AP2A2: variants seen among roughly 807,000 people sequenced by gnomAD.
AP2A2 encodes the protein adaptor related protein complex 2 subunit alpha 2, also known as AP-2 complex subunit alpha-2.
In AP2A2, 32 loss-of-function variants were observed where a neutral mutation model predicts 104.2. That is an observed-to-expected ratio of 0.31 (90% CI 0.23 to 0.41). The LOEUF (loss-of-function observed/expected upper bound fraction) is 0.41, where lower values mean the gene tolerates loss of function less well. AP2A2 is among the 10% of genes least tolerant of loss of function. The pLI is 1.00. For synonymous variants in AP2A2, 539 were observed against 533.3 expected, an observed-to-expected ratio of 1.01 and a Z score of -0.15; for missense variants, 912 against 1,261.0, an observed-to-expected ratio of 0.72 and a Z score of 4.19.
chr11:954,987 G>C (rs949263653), intron 1 of AP2A2, among the ~76,000 whole-genome samples: 1 of 152,146 alleles, frequency 6.6e-6, no homozygotes, highest in Non-Finnish European at 1.5e-5. Context: ...TCTTTCTCCT[G>C]CCCCCAGGTT....
At chr11:946,934 A>G (rs1853859569) in intron 1 of AP2A2, 1 of 151,860 alleles carries the variant, frequency 6.6e-6, no homozygotes. Flanking sequence ...AACGGTGAAG[A>G]CAGCTACATA....
At chr11:937,478 C>G (rs939016847) in intron 1 of AP2A2, among the ~76,000 whole-genome samples, 7 of 152,302 alleles carry the variant, frequency 4.6e-5, no homozygotes, top group Admixed American at 4.6e-4. Flanking sequence ...CAAGGTGGTT[C>G]ATGCCTGTAA....
intron 1 of AP2A2, among the ~76,000 whole-genome samples, chr11:942,045 G>A (rs1173747689): frequency 1.3e-5 from 2 of 152,092 alleles, no homozygotes; most frequent in Non-Finnish European, 2.9e-5. Flanking sequence ...TCCTGCCTCA[G>A]CCTCCTGAGT....
chr11:1,009,070 G>C, intron 18 of AP2A2, 30 bp from the exon 19 acceptor site: 1 of 1,565,916 alleles, frequency 6.4e-7, no homozygotes, highest in Non-Finnish European at 8.8e-7. Context: ...GTAGCTGACT[G>C]TCTCTTTCTG....
chr11:994,824 C>A (rs1490195630), intron 14 of AP2A2, among the ~76,000 whole-genome samples: 1 of 135,936 alleles, frequency 7.4e-6, no homozygotes, highest in Non-Finnish European at 1.6e-5. Context: ...CCCTGCTGGA[C>A]GCCCCCCTGG....
At chr11:926,454 C>T (rs772389335) in intron 1 of AP2A2, among the ~76,000 whole-genome samples, 2 of 151,992 alleles carry the variant, frequency 1.3e-5, no homozygotes, top group African/African-American at 4.8e-5. Context: ...ATCCACATCT[C>T]CACTCCCGTT....
chr11:1,005,341 G>A (rs1856170127), intron 16 of AP2A2, among the ~76,000 whole-genome samples: 1 of 152,214 alleles, frequency 6.6e-6, no homozygotes, highest in East Asian at 1.9e-4. Flanking sequence ...TAGGCCAGGG[G>A]GATGGGGAAT....
intron 6 of AP2A2, among the ~76,000 whole-genome samples, chr11:983,583 C>T (rs1380104023): frequency 6.6e-6 from 1 of 151,928 alleles, no homozygotes; most frequent in South Asian, 2.1e-4. Context: ...TGGGGTTTCA[C>T]TGTGTTAGCC....
At chr11:1,007,812 G>T in intron 17 of AP2A2, 200 bp from the exon 18 acceptor site, 1 of 665,654 alleles carries the variant, frequency 1.5e-6, no homozygotes. Flanking sequence ...CATTCTGGAA[G>T]CGTGAGAAGC....
At chr11:926,696 C>T (rs1263203703) in intron 1 of AP2A2, among the ~76,000 whole-genome samples, 1 of 152,192 alleles carries the variant, frequency 6.6e-6, no homozygotes, top group Non-Finnish European at 1.5e-5. Context: ...TAGATCTCAC[C>T]TACGACGATT....
chr11:937,239 C>G (rs561234372), intron 1 of AP2A2, among the ~76,000 whole-genome samples: 2 of 151,914 alleles, frequency 1.3e-5, no homozygotes, highest in African/African-American at 4.8e-5. Flanking sequence ...AGGCTGGTCT[C>G]GAACTCCCGA....
At chr11:970,387 G>A in intron 3 of AP2A2, 76 bp downstream of exon 3, 1 of 1,552,682 alleles carries the variant, frequency 6.4e-7, no homozygotes, top group South Asian at 1.2e-5. Flanking sequence ...CCCGTGTAGG[G>A]CCGCTGCTTC....
At chr11:981,030 A>G (rs1390926929) in intron 5 of AP2A2, among the ~76,000 whole-genome samples, 168 bp from the exon 6 acceptor site, 1 of 152,206 alleles carries the variant, frequency 6.6e-6, no homozygotes, top group Non-Finnish European at 1.5e-5. Flanking sequence ...GAAAATCTGC[A>G]TGTGCCATCT....
At chr11:927,487 A>G (rs916978572) in intron 1 of AP2A2, among the ~76,000 whole-genome samples, 1 of 150,396 alleles carries the variant, frequency 6.6e-6, no homozygotes, top group Middle Eastern at 3.2e-3. Flanking sequence ...GTAGAGGACC[A>G]TCTAACCCTT....
chr11:959,248 C>T (rs1052991648), intron 1 of AP2A2, among the ~76,000 whole-genome samples, 189 bp from the exon 2 acceptor site: 1 of 152,218 alleles, frequency 6.6e-6, no homozygotes, highest in African/African-American at 2.4e-5. Flanking sequence ...GGCTCAGTCC[C>T]GGCCCCGGCC....
Position 993,449 on chromosome 11 carries a change from G to C in AP2A2, c.1550+68G>C. 8.8e-7 allele frequency: 1 copy of C among 1,131,658 alleles called. No homozygotes were observed. The highest frequency in any genetic ancestry group is 1.9e-5 in the South Asian group (1 of 51,620). The allele number at this position is 1,131,658 out of a possible 1,614,324, so 70.1% of individuals were successfully genotyped here. On this transcript the variant is annotated intron_variant, in intron 12 of 21. Transcript: ENST00000448903. The surrounding 1 kb of genome is among the most constrained non-coding windows in gnomAD (Gnocchi z 8.2). ...GGCCTCTCGGTGGTCGGTGGCAAGA[G>C]GCGAGGCACCAGCTGGCCCTGCCGT... is the stretch of plus-strand genomic sequence containing the variant.
chr11:1,008,178 G>T lies in AP2A2; in HGVS notation c.2420+43G>T, dbSNP rs759570162. The T allele has an allele frequency of 5.8e-6, 9 of 1,551,584 alleles. No individual in the cohort carries two copies. The South Asian group carries it at 1.1e-4, about 19-fold the overall frequency. ...GCCCCGGGCCAAGGGGTGTGTGGGCGCCTGAGCTGTGTGCCTGGGCTCCAT... is the reference window on the plus strand; with the variant it reads ...GCCCCGGGCCAAGGGGTGTGTGGGCTCCTGAGCTGTGTGCCTGGGCTCCAT... On this transcript the variant is annotated intron_variant, in intron 18 of 21. Transcript: ENST00000448903.
chr11:991,068 G>A (rs112707551), intron 10 of AP2A2, among the ~76,000 whole-genome samples: 1 of 147,642 alleles, frequency 6.8e-6, no homozygotes, highest in South Asian at 2.2e-4. Context: ...CCTTTCAGCC[G>A]GGTATGGTGC....
chr11:965,671 C>T (rs74045443), intron 2 of AP2A2, among the ~76,000 whole-genome samples: 6,819 of 152,252 alleles, frequency 0.045, 163 homozygotes, highest in South Asian at 0.058. Context: ...GGTGTCTTGA[C>T]GGTGGCCCCG....
Sources: allele counts gnomAD v4.1 joint callset (sites outside exome capture counted in the v4.1 genomes callset), GRCh38; gene constraint gnomAD v4.1.1; non-coding constraint Gnocchi (gnomAD v3.1); transcripts MANE v1.5; gene names NCBI Gene and HGNC (gene_info 2026-07-23, HGNC 2026-07-21).